The following GPC6 variants were observed in gnomAD, a reference collection of about 807,000 sequenced individuals.
GPC6 encodes glypican 6.
A neutral mutation model predicts 55.2 loss-of-function variants in GPC6; 14 were observed. The ratio of observed to expected loss-of-function variants is 0.25; its 90% CI spans 0.17 to 0.40. The LOEUF is 0.40. Among genes scored for constraint, GPC6 ranks in the 10% least tolerant of loss-of-function variants. The pLI, the probability that GPC6 is intolerant of heterozygous loss-of-function variation, is 1.00. For synonymous variants in GPC6, 278 were observed against 259.6 expected, an observed-to-expected ratio of 1.07 and a Z score of -0.68; for missense variants, 641 against 708.5, an observed-to-expected ratio of 0.90 and a Z score of 1.08.
At chr13:94,055,872 T>G (rs1884115356) in intron 4 of GPC6, among the ~76,000 whole-genome samples, 1 of 152,060 alleles carries the variant, frequency 6.6e-6, no homozygotes, top group Non-Finnish European at 1.5e-5. Context: ...TGTCCCTGGA[T>G]GTTTTGAAAC....
intron 4 of GPC6, among the ~76,000 whole-genome samples, chr13:94,276,961 C>T (rs904490607): frequency 6.6e-6 from 1 of 151,980 alleles, no homozygotes; most frequent in Non-Finnish European, 1.5e-5. Context: ...CCAGTAATTG[C>T]GTTTCTAAGT....
chr13:94,273,046 A>G (rs1456445903), intron 4 of GPC6, among the ~76,000 whole-genome samples: 1 of 152,328 alleles, frequency 6.6e-6, no homozygotes, highest in East Asian at 1.9e-4. Context: ...GAGGAAATAA[A>G]AGGAACTCTC....
intron 1 of GPC6, among the ~76,000 whole-genome samples, chr13:93,474,009 C>T (rs761314906): frequency 8.5e-5 from 13 of 152,186 alleles, no homozygotes; most frequent in Non-Finnish European, 1.3e-4. Context: ...ACTCACATCT[C>T]CCCACTGCAG....
At chr13:93,505,970 T>G (rs77678597) in intron 1 of GPC6, among the ~76,000 whole-genome samples, 2,203 of 152,304 alleles carry the variant, frequency 0.014, 43 homozygotes, top group African/African-American at 0.049. Flanking sequence ...ATTCCTAAGA[T>G]TTGGGCTATG....
chr13:93,260,915 T>A (rs986541543), intron 1 of GPC6, among the ~76,000 whole-genome samples: 1 of 152,114 alleles, frequency 6.6e-6, no homozygotes, highest in Non-Finnish European at 1.5e-5. Flanking sequence ...GGTAGTTCAG[T>A]ATTGGTTTAA....
At chr13:94,014,403 C>T (rs1438745910) in intron 3 of GPC6, among the ~76,000 whole-genome samples, 2 of 152,142 alleles carry the variant, frequency 1.3e-5, no homozygotes, top group African/African-American at 2.4e-5. Flanking sequence ...TACAGCCTCT[C>T]GTTAGGGTTA....
chr13:94,172,351 AT>A, intron 4 of GPC6, among the ~76,000 whole-genome samples: 1 of 152,204 alleles, frequency 6.6e-6, no homozygotes, highest in East Asian at 1.9e-4. Context: ...TGATCGAGTG[AT>A]CTTATTCAGT....
At chr13:93,329,934 A>T (rs762410556) in intron 1 of GPC6, among the ~76,000 whole-genome samples, 16 of 152,204 alleles carry the variant, frequency 1.1e-4, no homozygotes, top group Admixed American at 4.6e-4. Context: ...ATTCAAGAAG[A>T]CTTAGATCAT....
intron 1 of GPC6, among the ~76,000 whole-genome samples, chr13:93,450,088 G>T (rs553221194): frequency 4.6e-5 from 7 of 152,078 alleles, no homozygotes; most frequent in Non-Finnish European, 1.0e-4. Context: ...GCCTGGCCAG[G>T]TTCCACTCTT....
chr13:93,256,881 C>G (rs960503546), intron 1 of GPC6, among the ~76,000 whole-genome samples: 1 of 152,056 alleles, frequency 6.6e-6, no homozygotes, highest in Non-Finnish European at 1.5e-5. Context: ...TATACCATGT[C>G]AATTAGCAAT....
chr13:93,800,204 C>T (rs1886326942), intron 2 of GPC6, among the ~76,000 whole-genome samples: 1 of 152,100 alleles, frequency 6.6e-6, no homozygotes, highest in Admixed American at 6.6e-5. Context: ...TGAGATTTTT[C>T]TGAGATTATA....
chr13:93,589,610 T>G (rs1877367757), intron 2 of GPC6, among the ~76,000 whole-genome samples: 1 of 152,184 alleles, frequency 6.6e-6, no homozygotes, highest in Admixed American at 6.5e-5. Context: ...ATGCCTTAGG[T>G]TATATTGTAG....
chr13:94,229,263 CT>C (rs1243930298), intron 4 of GPC6, among the ~76,000 whole-genome samples: 1 of 152,004 alleles, frequency 6.6e-6, no homozygotes, highest in Non-Finnish European at 1.5e-5. Flanking sequence ...TAATCTTGTT[CT>C]TTTATTATCT....
At chr13:93,435,430 A>G (rs1177784701) in intron 1 of GPC6, among the ~76,000 whole-genome samples, 1 of 151,814 alleles carries the variant, frequency 6.6e-6, no homozygotes. Context: ...TTACTTGCTT[A>G]TACATGTTCT....
At chr13:93,234,269 G>C (rs1876158294) in intron 1 of GPC6, among the ~76,000 whole-genome samples, 1 of 152,112 alleles carries the variant, frequency 6.6e-6, no homozygotes, top group African/African-American at 2.4e-5. Flanking sequence ...TGCTGTGAGG[G>C]ACTTTCCTTC....
At chr13:94,103,244 C>T (rs1414737020) in intron 4 of GPC6, among the ~76,000 whole-genome samples, 2 of 152,158 alleles carry the variant, frequency 1.3e-5, no homozygotes, top group Non-Finnish European at 2.9e-5. Flanking sequence ...GCATAGTATT[C>T]CATGGTGTAT....
intron 2 of GPC6, among the ~76,000 whole-genome samples, chr13:93,789,598 C>CATATATATAT (rs755185604): frequency 4.1e-4 from 28 of 67,696 alleles, no homozygotes; most frequent in Non-Finnish European, 6.3e-4. Context: ...TATAATACTA[C>CATATATATAT]ATATATATAT....
chr13:93,653,279 G>C (rs535131435), intron 2 of GPC6, among the ~76,000 whole-genome samples: 1 of 152,242 alleles, frequency 6.6e-6, no homozygotes, highest in African/African-American at 2.4e-5. Flanking sequence ...ATGTATTAGA[G>C]GTTGTATTAG....
intron 4 of GPC6, among the ~76,000 whole-genome samples, chr13:94,208,463 AGAT>A (rs778217451): frequency 1.4e-4 from 22 of 152,128 alleles, no homozygotes; most frequent in Non-Finnish European, 2.9e-4. Flanking sequence ...TTTTGGAAGG[AGAT>A]GATATTTGAT....
Sources: gnomAD v4.1 joint callset for allele counts (sites outside exome capture counted in the v4.1 genomes callset) on GRCh38, gnomAD v4.1.1 for gene constraint, MANE v1.5 for transcripts, NCBI Gene and HGNC (gene_info 2026-07-23, HGNC 2026-07-21) for gene names.